Variants in PM20D1 observed in about 807,000 individuals in gnomAD.
The protein encoded by PM20D1 is peptidase M20 domain containing 1.
In PM20D1, 53 loss-of-function variants were observed where a neutral mutation model predicts 53.8. The ratio of observed to expected loss-of-function variants is 0.98; its 90% confidence interval spans 0.79 to 1.24. The LOEUF is 1.24. PM20D1 is among the 50% of genes most tolerant of loss of function. PM20D1 has a pLI of 0.00. For missense variants in PM20D1, 564 were observed against 616.8 expected, an observed-to-expected ratio of 0.91 and a Z score of 0.91; for synonymous variants, 239 against 241.3, an observed-to-expected ratio of 0.99 and a Z score of 0.09.
intron 11 of PM20D1, 43 bp downstream of exon 11, chr1:205,832,555 C>T: frequency 1.9e-6 from 3 of 1,604,816 alleles, no homozygotes; most frequent in Non-Finnish European, 2.6e-6. Context: ...GGAAACAGTT[C>T]CAGCCCCCTC....
At chr1:205,846,110 G>A (rs1656951172) in intron 2 of PM20D1, among the ~76,000 whole-genome samples, 1 of 151,670 alleles carries the variant, frequency 6.6e-6, no homozygotes, top group South Asian at 2.1e-4. Context: ...GACTCGGCCA[G>A]GCGTGGTGGC....
intron 11 of PM20D1, among the ~76,000 whole-genome samples, chr1:205,832,377 A>G (rs564043608): frequency 1.1e-4 from 17 of 152,268 alleles, no homozygotes; most frequent in African/African-American, 3.6e-4. Flanking sequence ...AGGTTAAGCA[A>G]GGACCCAGGC....
At chr1:205,830,592 T>C (rs532127953) in intron 11 of PM20D1, among the ~76,000 whole-genome samples, 11 of 150,418 alleles carry the variant, frequency 7.3e-5, no homozygotes, top group Non-Finnish European at 1.3e-4. Context: ...AGACATCCCT[T>C]GGATGGACCA....
chr1:205,832,560 C>G (rs754712662), intron 11 of PM20D1, 38 bp downstream of exon 11: 2 of 1,608,476 alleles, frequency 1.2e-6, no homozygotes, highest in Admixed American at 3.3e-5. Flanking sequence ...CAGTTCCAGC[C>G]CCCTCCTCCC....
At chr1:205,845,588 C>T in intron 2 of PM20D1, 31 bp from the exon 3 acceptor site, 1 of 1,558,712 alleles carries the variant, frequency 6.4e-7, no homozygotes, top group Non-Finnish European at 8.8e-7. Flanking sequence ...AAGAGAGAAC[C>T]AGGGTTAACA....
rs200138306 is a variant in PM20D1, at chr1:205,828,728, G to A, written c.1401C>T (p.Asn467=). The change falls in exon 13 of 13, where the codon AAC becomes AAT. Residue 467 remains asparagine (N), a synonymous_variant. Coordinates refer to ENST00000367136, the MANE Select transcript of PM20D1 (RefSeq NM_152491.5). ...PEDFKRIHGV[N]EKISVQAYET... ...CATAGGCTTGGACTGAGATTTTCTC[G>A]TTGACTCCATGGATGCTGAGGAAAG... 1.2e-5 allele frequency: 20 copies of A among 1,613,900 alleles called. No homozygotes were observed. The highest frequency in any genetic ancestry group is 4.0e-5 in the African/African-American group (3 of 74,914).
At chr1:205,844,782 G>A (rs1377964051) in intron 4 of PM20D1, 29 bp downstream of exon 4, 1 of 1,598,662 alleles carries the variant, frequency 6.3e-7, no homozygotes, top group African/African-American at 1.3e-5. Context: ...ACAGAGGACA[G>A]AGATAGGTAT....
At chr1:205,835,423 G>T (rs1385470645) in intron 10 of PM20D1, among the ~76,000 whole-genome samples, 1 of 152,154 alleles carries the variant, frequency 6.6e-6, no homozygotes, top group Non-Finnish European at 1.5e-5. Flanking sequence ...GAGTTAATAT[G>T]TGTAATGTGC....
Position 205,840,234 on chromosome 1 carries a change from G to C in PM20D1, c.1116+18C>G. 1 of 1,607,304 alleles carries C rather than the reference G, an allele frequency of 6.2e-7. No individual in the cohort carries two copies. Among genetic ancestry groups the C allele is most frequent in the Non-Finnish European group, 8.5e-7 (1 of 1,175,232 alleles). ...CCTGATGCTGCATGAGTTGTTGTCT[G>C]GAACATATGGTACATACCTCTTGGA... On this transcript the variant is annotated intron_variant, in intron 10 of 12. Coordinates refer to ENST00000367136, the MANE Select transcript of PM20D1 (RefSeq NM_152491.5).
intron 6 of PM20D1, 114 bp from the exon 7 acceptor site, chr1:205,842,865 T>C (rs1212090149): frequency 9.6e-6 from 8 of 837,460 alleles, no homozygotes; most frequent in Non-Finnish European, 1.6e-5. Flanking sequence ...CCAAGAGGTC[T>C]CTCATTCACC....
intron 10 of PM20D1, among the ~76,000 whole-genome samples, chr1:205,837,879 C>T (rs1434103246): frequency 6.6e-6 from 1 of 152,074 alleles, no homozygotes; most frequent in Non-Finnish European, 1.5e-5. Context: ...TGGAAAGAAG[C>T]TCAATGAGGG....
chr1:205,847,085 A>G (rs1323380856), intron 2 of PM20D1, among the ~76,000 whole-genome samples: 1 of 126,096 alleles, frequency 7.9e-6, no homozygotes, highest in African/African-American at 3.2e-5. Context: ...TGGCACATTC[A>G]TAGCTTACTG....
intron 11 of PM20D1, among the ~76,000 whole-genome samples, chr1:205,832,104 G>T (rs904373406): frequency 2.6e-5 from 4 of 152,168 alleles, no homozygotes; most frequent in Non-Finnish European, 5.9e-5. Flanking sequence ...GCACAGATTT[G>T]GATGGGGTGC....
In PM20D1 at chr1:205,831,251, T is replaced by C. The variant is rs761086995; in HGVS notation, c.1286-872A>G. On this transcript the variant is annotated intron_variant, in intron 11 of 12. Transcript: ENST00000367136. ...TTTGAGATGGTAATTTGTGTTTTGTTCCATCTTCCACTCCTGGTTTCAAAT... is the reference window on the plus strand; with the variant it reads ...TTTGAGATGGTAATTTGTGTTTTGTCCCATCTTCCACTCCTGGTTTCAAAT... Among the ~76,000 whole-genome samples the C allele has an allele frequency of 2.7e-4, 41 of 152,340 alleles. 1 individual carries two copies. In the Middle Eastern group the frequency reaches 0.01, roughly 38 times the overall value.
chr1:205,849,473 C>A (rs1404331132), intron 1 of PM20D1, among the ~76,000 whole-genome samples: 1 of 152,130 alleles, frequency 6.6e-6, no homozygotes, highest in Non-Finnish European at 1.5e-5. Flanking sequence ...GATCATTTAG[C>A]TGACCTAAGC....
chr1:205,828,814 G>A, intron 12 of PM20D1, 71 bp from the exon 13 acceptor site: 2 of 1,578,864 alleles, frequency 1.3e-6, no homozygotes, highest in Non-Finnish European at 1.7e-6. Flanking sequence ...TTATCACAGA[G>A]CACTTCCCTT....
intron 5 of PM20D1, 121 bp downstream of exon 5, chr1:205,843,966 C>G (rs1161163772): frequency 1.4e-6 from 2 of 1,473,574 alleles, no homozygotes; most frequent in Non-Finnish European, 1.8e-6. Context: ...AAGATTGGGG[C>G]GATTAATGCG....
At chr1:205,830,491 A>G (rs1571665558) in intron 11 of PM20D1, 112 bp from the exon 12 acceptor site, 2 of 710,478 alleles carry the variant, frequency 2.8e-6, no homozygotes, top group East Asian at 5.1e-5. Flanking sequence ...CTACAGAGCA[A>G]TGCCTGGGCT....
chr1:205,830,247 CT>C, intron 12 of PM20D1, 32 bp downstream of exon 12: 1 of 1,464,402 alleles, frequency 6.8e-7, no homozygotes, highest in Non-Finnish European at 9.6e-7. Flanking sequence ...TATTTCTTTT[CT>C]CCCACCTGCT....
Sources: gnomAD v4.1 joint callset for allele counts (sites outside exome capture counted in the v4.1 genomes callset) on GRCh38, gnomAD v4.1.1 for gene constraint, MANE v1.5 for transcripts, NCBI Gene and HGNC (gene_info 2026-07-23, HGNC 2026-07-21) for gene names.